Variants in DBF4 observed in about 807,000 individuals in gnomAD.
The protein encoded by DBF4 is protein DBF4 homolog A.
In DBF4, 25 loss-of-function variants were observed where a neutral mutation model predicts 76.6. The ratio of observed to expected loss-of-function variants is 0.33; its 90% CI spans 0.24 to 0.46. The LOEUF (loss-of-function observed/expected upper bound fraction) is 0.46, where lower values mean the gene tolerates loss of function less well. Among genes scored for constraint, DBF4 ranks in the 20% least tolerant of loss-of-function variants. DBF4 has a pLI of 1.00. For synonymous variants in DBF4, 213 were observed against 258.0 expected (o/e 0.83, Z 1.67); for missense variants, 638 against 760.8 (o/e 0.84, Z 1.90).
chr7:87,897,813 C>T (rs1051978297), intron 8 of DBF4, among the ~76,000 whole-genome samples: 1 of 152,142 alleles, frequency 6.6e-6, no homozygotes, highest in African/African-American at 2.4e-5. Flanking sequence ...CTTGCTCTGT[C>T]ACCCAGGCTA....
At position 87,907,254 on chromosome 7, in the gene DBF4, G is replaced by A. The variant is rs1245055463; in HGVS notation, c.1116G>A (p.Lys372=). The change falls in exon 12 of 12, where the codon AAG becomes AAA. Residue 372 remains lysine (K), a synonymous_variant. Coordinates refer to ENST00000265728, the MANE Select transcript of DBF4 (RefSeq NM_006716.4). ...SASVLKKTEQ[K]EKVELQHISQ... ...GTGTCCTGAAAAAGACTGAACAAAA[G>A]GAAAAAGTGGAATTGCAACATATTT... 2.5e-6 allele frequency: 4 copies of A among 1,613,454 alleles called. No homozygotes were observed. In the South Asian group the frequency reaches 4.4e-5, roughly 18 times the overall value.
chr7:87,899,076 T>C (rs2131068978), intron 8 of DBF4, among the ~76,000 whole-genome samples: 1 of 152,156 alleles, frequency 6.6e-6, no homozygotes, highest in Admixed American at 6.5e-5. Context: ...CTACCTCACA[T>C]CATGTTCAAA....
chr7:87,893,727 ACTT>A (rs1438395993), intron 6 of DBF4, among the ~76,000 whole-genome samples: 1 of 152,228 alleles, frequency 6.6e-6, no homozygotes, highest in Non-Finnish European at 1.5e-5. Context: ...TTTAAAATGG[ACTT>A]CTTGCAGATA....
intron 6 of DBF4, among the ~76,000 whole-genome samples, chr7:87,890,625 A>G (rs970248160): frequency 3.9e-5 from 6 of 152,310 alleles, no homozygotes; most frequent in East Asian, 1.9e-4. Context: ...GCTTAAGGCA[A>G]TAACAAAGGG....
chr7:87,892,745 C>A (rs1400735407), intron 6 of DBF4, among the ~76,000 whole-genome samples: 1 of 152,162 alleles, frequency 6.6e-6, no homozygotes, highest in Non-Finnish European at 1.5e-5. Context: ...GGATTTTCAT[C>A]TTTATTCAAT....
At chr7:87,883,987 C>A (rs117215491) in intron 2 of DBF4, among the ~76,000 whole-genome samples, 2 of 152,200 alleles carry the variant, frequency 1.3e-5, no homozygotes, top group African/African-American at 2.4e-5. Flanking sequence ...TCTTTAATAA[C>A]CTTCACTTTG....
At chr7:87,893,122 A>G (rs973807298) in intron 6 of DBF4, among the ~76,000 whole-genome samples, 3 of 152,000 alleles carry the variant, frequency 2.0e-5, no homozygotes, top group African/African-American at 4.8e-5. Flanking sequence ...ACTGAGAGAG[A>G]GGGATATTGA....
chr7:87,900,765 A>C lies in DBF4; in HGVS notation c.811A>C (p.Ile271Leu), dbSNP rs1266310016. The C allele has an allele frequency of 3.1e-6, 5 of 1,610,570 alleles. No individual in the cohort carries two copies. Among genetic ancestry groups the C allele is most frequent in the Non-Finnish European group, 4.2e-6 (5 of 1,178,470 alleles). Residue 271 changes from isoleucine to leucine, a missense_variant and splice_region_variant, in exon 10 of 12, where the codon ATC becomes CTC. Coordinates refer to ENST00000265728, the MANE Select transcript of DBF4 (RefSeq NM_006716.4). ...MQKQTQVKLR[I>L]QTDGDKYGGT... ...TTTACCATGTATGTCTGTCATCAGA[A>C]TCCAAACAGATGGCGATAAGTATGG...
At chr7:87,899,661 G>A (rs1251706241) in intron 8 of DBF4, among the ~76,000 whole-genome samples, 4 of 152,196 alleles carry the variant, frequency 2.6e-5, no homozygotes, top group Non-Finnish European at 5.9e-5. Flanking sequence ...CAGGATGTGT[G>A]TGTACACACA....
chr7:87,892,215 G>A (rs775467142), intron 6 of DBF4, among the ~76,000 whole-genome samples: 4 of 152,142 alleles, frequency 2.6e-5, no homozygotes, highest in Non-Finnish European at 5.9e-5. Flanking sequence ...ATACAGAATG[G>A]TTCCACTGCC....
At position 87,876,760 on chromosome 7, in the gene DBF4, A is replaced by G. The variant is rs941552969; in HGVS notation, c.28A>G (p.Ser10Gly). ...GAACTCCGGAGCCATGAGGATCCAC[A>G]GTAAAGGACATTTCCAGGGTAAGAA... MNSGAMRIH[S>G]KGHFQGGIQV... The change falls in exon 1 of 12, where the codon AGT (serine) becomes GGT (glycine). Residue 10 changes from serine (S) to glycine (G), a missense_variant. By Grantham distance (56) the Ser-to-Gly change is moderately conservative. Coordinates refer to ENST00000265728, the MANE Select transcript of DBF4 (RefSeq NM_006716.4). The G allele has an allele frequency of 1.9e-6, 3 of 1,614,196 alleles. No homozygotes were observed. Among genetic ancestry groups the G allele is most frequent in the Non-Finnish European group, 1.7e-6 (2 of 1,180,008 alleles).
chr7:87,876,652 A>T lies in DBF4; in HGVS notation c.-81A>T, dbSNP rs1839046700. 1 of 1,524,964 alleles carries T rather than the reference A, an allele frequency of 6.6e-7. No individual in the cohort carries two copies. Among genetic ancestry groups the T allele is most frequent in the African/African-American group, 1.4e-5 (1 of 73,122 alleles). 94.5% of individuals were successfully genotyped at this position (1,524,964 alleles called of 1,614,324 possible). A position where few individuals can be genotyped will look rare whatever the true frequency, so the allele number is the denominator to read the frequency against. On this transcript the variant is annotated 5_prime_UTR_variant, in exon 1 of 12. Coordinates refer to ENST00000265728, the MANE Select transcript of DBF4 (RefSeq NM_006716.4). ...GGAGAGAGGCGGCCGTCCTGTCAAC[A>T]GGCCGGGGGAAGCCGTGCTTTCGCG...
At chr7:87,906,141 G>A (rs531656535) in intron 11 of DBF4, among the ~76,000 whole-genome samples, 102 of 151,826 alleles carry the variant, frequency 6.7e-4, no homozygotes, top group Non-Finnish European at 1.2e-3. Context: ...CTGGTTGACA[G>A]AGAGACTCTG....
At position 87,878,441 on chromosome 7, in the gene DBF4, G is replaced by C. The variant is rs73706944; in HGVS notation, c.219+216G>C. Reference sequence around the variant, plus strand: ...TCTCTGATTAGCAGTCTAGTGTAAAGTTCTTAGAGTGTAAGACTCCCCTGT... The same window carrying C: ...TCTCTGATTAGCAGTCTAGTGTAAACTTCTTAGAGTGTAAGACTCCCCTGT... On this transcript the variant is annotated intron_variant, in intron 2 of 11. Transcript: ENST00000265728. The C allele has an allele frequency of 1.4e-3, 621 of 442,974 alleles. 3 individuals carry two copies. Among genetic ancestry groups the C allele is most frequent in the African/African-American group, 0.011 (561 of 49,326 alleles). The allele number at this position is 442,974 out of a possible 1,614,324, so 27.4% of individuals were successfully genotyped here. A position where few individuals can be genotyped will look rare whatever the true frequency, so the allele number is the denominator to read the frequency against.
chr7:87,907,097 A>G (rs959311731), intron 11 of DBF4, 91 bp from the exon 12 acceptor site: 74 of 1,226,034 alleles, frequency 6.0e-5, no homozygotes, highest in Middle Eastern at 2.9e-4. Context: ...TAAAGATTAT[A>G]TAATGTTTTT....
Position 87,908,174 on chromosome 7 carries a change from A to T in DBF4, c.*11A>T. 1 of 1,537,270 alleles carries T rather than the reference A, an allele frequency of 6.5e-7. No individual in the cohort carries two copies. Among genetic ancestry groups the T allele is most frequent in the Non-Finnish European group, 8.7e-7 (1 of 1,146,664 alleles). On this transcript the variant is annotated 3_prime_UTR_variant, in exon 12 of 12. Coordinates refer to ENST00000265728, the MANE Select transcript of DBF4 (RefSeq NM_006716.4). Reference sequence around the variant, plus strand: ...TTTACTGGCTTTTAGAATTTAAAAAATGCATACTTTTCAGAAGTGATAAGG... The same window carrying T: ...TTTACTGGCTTTTAGAATTTAAAAATTGCATACTTTTCAGAAGTGATAAGG...
rs568088637 is a variant in DBF4 at position 87,887,133 on chromosome 7, A to T, written c.451-196A>T. 7.2e-5 allele frequency among the ~76,000 whole-genome samples: 11 copies of T among 152,320 alleles called. No individual in the cohort carries two copies. In the East Asian group the frequency reaches 1.5e-3, roughly 21 times the overall value. On this transcript the variant is annotated intron_variant, in intron 4 of 11. Coordinates refer to ENST00000265728, the MANE Select transcript of DBF4 (RefSeq NM_006716.4). ...GCCTTATAGTTTTCATTAAATTACC[A>T]AGGATGTGGGTATAAAGTGGGATTG... is the stretch of plus-strand genomic sequence containing the variant.
chr7:87,884,919 A>G (rs1366991409), intron 2 of DBF4, 60 bp from the exon 3 acceptor site: 14 of 1,304,474 alleles, frequency 1.1e-5, no homozygotes, highest in Admixed American at 2.1e-5. Flanking sequence ...CCTGGATAAC[A>G]CAGTGAGACC....
intron 2 of DBF4, among the ~76,000 whole-genome samples, chr7:87,882,739 A>C (rs1020541244): frequency 5.3e-5 from 8 of 152,234 alleles, no homozygotes; most frequent in African/African-American, 1.9e-4. Flanking sequence ...ACTAATCATT[A>C]GGGAAATGTC....
Sources: gnomAD v4.1 joint callset for allele counts (sites outside exome capture counted in the v4.1 genomes callset) on GRCh38, gnomAD v4.1.1 for gene constraint, MANE v1.5 for transcripts, NCBI Gene and HGNC (gene_info 2026-07-23, HGNC 2026-07-21) for gene names.